RNF168: variants seen among roughly 807,000 people sequenced by gnomAD.
RNF168 encodes ring finger protein 168, also known as E3 ubiquitin-protein ligase RNF168.
In RNF168, 34 loss-of-function variants were observed where a neutral mutation model predicts 34.9. That is an observed-to-expected ratio of 0.97 (90% confidence interval 0.74 to 1.30). The LOEUF (loss-of-function observed/expected upper bound fraction) is 1.30. RNF168 is among the 50% of genes most tolerant of loss of function. The pLI is 0.00. For missense variants in RNF168, 725 were observed against 682.5 expected (o/e 1.06, Z -0.69); for synonymous variants, 264 against 254.7 (o/e 1.04, Z -0.35).
At chr3:196,500,779 T>C (rs961943880) in intron 1 of RNF168, among the ~76,000 whole-genome samples, 2 of 152,026 alleles carry the variant, frequency 1.3e-5, no homozygotes, top group African/African-American at 4.8e-5. Flanking sequence ...TGGCGTGATC[T>C]CGGCTCACTG....
intron 3 of RNF168, among the ~76,000 whole-genome samples, chr3:196,486,832 G>T (rs1474159458): frequency 6.6e-6 from 1 of 152,218 alleles, no homozygotes; most frequent in East Asian, 1.9e-4. Flanking sequence ...ACTTTGAGAC[G>T]CCGAGGCAGA....
At chr3:196,474,624 T>G (rs111360550) in intron 5 of RNF168, among the ~76,000 whole-genome samples, 19,472 of 151,964 alleles carry the variant, frequency 0.13, 1,573 homozygotes, top group Middle Eastern at 0.22. Context: ...ATTTTGTATT[T>G]TTTTGTAGAG....
At chr3:196,484,819 C>CT (rs902501452) in intron 3 of RNF168, among the ~76,000 whole-genome samples, 3 of 151,768 alleles carry the variant, frequency 2.0e-5, no homozygotes, top group African/African-American at 7.3e-5. Flanking sequence ...TGCCCAGCTA[C>CT]TTTTTTTTAA....
intron 1 of RNF168, among the ~76,000 whole-genome samples, chr3:196,500,638 G>A (rs1315129264): frequency 6.6e-6 from 1 of 152,172 alleles, no homozygotes; most frequent in Non-Finnish European, 1.5e-5. Context: ...ATTACAAACG[G>A]TTAAAATTTT....
chr3:196,487,623 G>C (rs750707179), intron 2 of RNF168, 45 bp from the exon 3 acceptor site: 1 of 1,541,084 alleles, frequency 6.5e-7, no homozygotes, highest in East Asian at 2.2e-5. Context: ...GAACGTTTTG[G>C]TATACTTGCA....
rs553615789 is a variant in RNF168, at chr3:196,503,500, G to A, written c.-327C>T. On this transcript the variant is annotated 5_prime_UTR_variant, in exon 1 of 6. Transcript: ENST00000318037. The stretch of plus-strand genomic sequence containing the variant: ...CGGCTGCGGCTCCCGGGGCAGCGAG[G>A]GGAACGCGCCAAGTCCTCTCCTCCC... The A allele has an allele frequency of 2.8e-5, 11 of 391,998 alleles. No homozygotes were observed. The highest frequency in any genetic ancestry group is 4.3e-5 in the Non-Finnish European group (9 of 206,908). 24.3% of individuals were successfully genotyped at this position (391,998 alleles called of 1,614,324 possible).
chr3:196,501,004 C>CCCGGCCCCGCAATTTTTTGACACACAGAG, intron 1 of RNF168, among the ~76,000 whole-genome samples: 1 of 152,330 alleles, frequency 6.6e-6, no homozygotes, highest in South Asian at 2.1e-4. Flanking sequence ...AGCCGCCGCG[C>CCCGGCCCCGCAATTTTTTGACACACAGAG]CCGGCCCCGC....
At position 196,472,822 on chromosome 3, in the gene RNF168, A is replaced by G. The variant is rs116352296; in HGVS notation, c.763-50T>C. 7.7e-4 allele frequency: 864 copies of G among 1,125,114 alleles called. 5 individuals carry two copies. In the African/African-American group the frequency reaches 0.011, roughly 14 times the overall value. The allele number at this position is 1,125,114 out of a possible 1,614,324, so 69.7% of individuals were successfully genotyped here. On this transcript the variant is annotated intron_variant, in intron 5 of 5. Transcript: ENST00000318037. ...GTGAACCAGGGGAAAATATCAAATC[A>G]TAAGATGTAAGTCTAATTACACTGA...
In RNF168 at chr3:196,499,541, GC is replaced by G. The variant is rs1479396130; in HGVS notation, c.301+3331del. ...TCTATGGTGGATAAAAACTAAAACAGCCCGGACGCGGTGGCTCACGCTTGTA... is the reference window on the plus strand; with the variant it reads ...TCTATGGTGGATAAAAACTAAAACAGCCGGACGCGGTGGCTCACGCTTGTA... On this transcript the variant is annotated intron_variant, in intron 1 of 5. Coordinates refer to ENST00000318037, the MANE Select transcript of RNF168 (RefSeq NM_152617.4). Among the ~76,000 whole-genome samples the G allele has an allele frequency of 3.9e-5, 6 of 152,164 alleles. No individual in the cohort carries two copies. The East Asian group carries it at 9.6e-4, about 24-fold the overall frequency.
intron 4 of RNF168, among the ~76,000 whole-genome samples, chr3:196,483,355 G>A (rs570285370): frequency 6.6e-6 from 1 of 152,322 alleles, no homozygotes; most frequent in African/African-American, 2.4e-5. Flanking sequence ...CCCTGGAGGG[G>A]TGTTGTGGTG....
At chr3:196,483,526 T>G (rs538692905) in intron 4 of RNF168, among the ~76,000 whole-genome samples, 1 of 152,230 alleles carries the variant, frequency 6.6e-6, no homozygotes, top group Non-Finnish European at 1.5e-5. Flanking sequence ...TGGTTCACTT[T>G]GAGAAAACTG....
chr3:196,497,839 T>C (rs1732782802), intron 1 of RNF168, among the ~76,000 whole-genome samples: 1 of 152,122 alleles, frequency 6.6e-6, no homozygotes, highest in Non-Finnish European at 1.5e-5. Context: ...TAAGAATATC[T>C]GGCAAAGTAC....
At chr3:196,490,978 C>CT (rs1310522213) in intron 1 of RNF168, among the ~76,000 whole-genome samples, 5 of 152,120 alleles carry the variant, frequency 3.3e-5, no homozygotes, top group African/African-American at 1.2e-4. Flanking sequence ...GTATCTGAGA[C>CT]TTTTTTTCAG....
chr3:196,501,503 C>T (rs1001446792), intron 1 of RNF168, among the ~76,000 whole-genome samples: 1 of 152,024 alleles, frequency 6.6e-6, no homozygotes, highest in Non-Finnish European at 1.5e-5. Context: ...CTATGAAATA[C>T]CTAGAATGGC....
At position 196,468,893 on chromosome 3, in the gene RNF168, G is replaced by A. The variant is rs1357119425; in HGVS notation, c.*2926C>T. ...TTTCCACAAAAATGAGAGGAAAAAG[G>A]ACCAGTACCTGCTAGTGACTGATAC... On this transcript the variant is annotated 3_prime_UTR_variant, in exon 6 of 6. Transcript: ENST00000318037. 6.6e-6 allele frequency: 1 copy of A among 152,040 alleles called. No individual in the cohort carries two copies. The highest frequency in any genetic ancestry group is 1.5e-5 in the Non-Finnish European group (1 of 67,998). The allele number at this position is 152,040 out of a possible 1,614,324, so 9.4% of individuals were successfully genotyped here.
chr3:196,491,184 G>A (rs976774190), intron 1 of RNF168, among the ~76,000 whole-genome samples: 9 of 152,188 alleles, frequency 5.9e-5, no homozygotes, highest in Admixed American at 4.6e-4. Flanking sequence ...GTGGTGGCAC[G>A]CACCTGTAGT....
At chr3:196,480,293 T>C (rs1028069265) in intron 4 of RNF168, among the ~76,000 whole-genome samples, 19 of 152,194 alleles carry the variant, frequency 1.2e-4, no homozygotes, top group Non-Finnish European at 2.8e-4. Context: ...TGTATTACCA[T>C]GAAAGCCCAT....
rs760542600 is a variant in RNF168, at chr3:196,487,379, C to T, written c.558+20G>A. The T allele has an allele frequency of 1.5e-5, 24 of 1,602,680 alleles. 1 individual carries two copies. The highest frequency in any genetic ancestry group is 8.8e-5 in the South Asian group (8 of 90,874). On this transcript the variant is annotated intron_variant, in intron 3 of 5. Transcript: ENST00000318037. ...ATACCAAGGGATGACCATACCTTAG[C>T]GTTCCCTCCTAAAACTTACAATATC...
At chr3:196,494,505 G>A (rs1156798905) in intron 1 of RNF168, among the ~76,000 whole-genome samples, 2 of 152,158 alleles carry the variant, frequency 1.3e-5, no homozygotes, top group Non-Finnish European at 2.9e-5. Context: ...TTGAACAGTT[G>A]AGCTGTTCAT....
Sources: allele counts gnomAD v4.1 joint callset (sites outside exome capture counted in the v4.1 genomes callset), GRCh38; gene constraint gnomAD v4.1.1; transcripts MANE v1.5; gene names NCBI Gene and HGNC (gene_info 2026-07-23, HGNC 2026-07-21).